Variants in PRKAR2B observed in about 807,000 individuals in gnomAD.
PRKAR2B encodes cAMP-dependent protein kinase type II-beta regulatory subunit.
A neutral mutation model predicts 49.9 loss-of-function variants in PRKAR2B; 14 were observed. The observed-to-expected ratio is 0.28, with a 90% confidence interval of 0.19 to 0.44. The LOEUF is 0.44. Among genes scored for constraint, PRKAR2B ranks in the 20% least tolerant of loss-of-function variants. The pLI, the probability that PRKAR2B is intolerant of heterozygous loss-of-function variation, is 1.00. For missense variants in PRKAR2B, 393 were observed against 537.9 expected (o/e 0.73, Z 2.67); for synonymous variants, 196 against 197.7 (o/e 0.99, Z 0.07).
At chr7:107,064,262 G>A (rs1237581226) in intron 1 of PRKAR2B, among the ~76,000 whole-genome samples, 2 of 152,080 alleles carry the variant, frequency 1.3e-5, no homozygotes, top group African/African-American at 2.4e-5. Flanking sequence ...TCATTCACAA[G>A]CAAAAATATG....
intron 4 of PRKAR2B, among the ~76,000 whole-genome samples, chr7:107,134,492 CTATGT>C (rs1795660768): frequency 6.6e-6 from 1 of 152,100 alleles, no homozygotes; most frequent in Admixed American, 6.6e-5. Context: ...GCTGTTGCCA[CTATGT>C]TATAATTGTA....
Position 107,128,193 on chromosome 7 carries a change from A to T in PRKAR2B, c.397-19A>T. 1 of 1,556,590 alleles carries T rather than the reference A, an allele frequency of 6.4e-7. No individual in the cohort carries two copies. The highest frequency in any genetic ancestry group is 8.8e-7 in the Non-Finnish European group (1 of 1,130,902). On this transcript the variant is annotated intron_variant, in intron 3 of 10. Coordinates refer to ENST00000265717, the MANE Select transcript of PRKAR2B (RefSeq NM_002736.3). ...GTATTGGCTAATGTCTTTGTTTTTT[A>T]AATCTGATGTCCTTTTAGATTATAC...
intron 4 of PRKAR2B, among the ~76,000 whole-genome samples, chr7:107,132,616 T>G (rs1016697114): frequency 2.6e-5 from 4 of 152,064 alleles, no homozygotes; most frequent in Non-Finnish European, 5.9e-5. Context: ...GTGATTGATT[T>G]AGTTGGGGAC....
intron 2 of PRKAR2B, among the ~76,000 whole-genome samples, chr7:107,095,454 A>T (rs1794817788): frequency 6.6e-6 from 1 of 152,194 alleles, no homozygotes; most frequent in Admixed American, 6.5e-5. Context: ...GCAAACAGGG[A>T]CAATTTGACT....
At chr7:107,144,396 A>G (rs61153728) in intron 5 of PRKAR2B, among the ~76,000 whole-genome samples, 3 of 151,924 alleles carry the variant, frequency 2.0e-5, no homozygotes, top group East Asian at 1.9e-4. Context: ...ATGAAAGCCA[A>G]TTATTTTCTT....
chr7:107,130,555 T>G (rs990163529), intron 4 of PRKAR2B, among the ~76,000 whole-genome samples: 8 of 152,122 alleles, frequency 5.3e-5, no homozygotes, highest in African/African-American at 1.9e-4. Flanking sequence ...GCCAAACCCT[T>G]GAACATAGTT....
At chr7:107,145,600 A>C (rs1384632147) in intron 5 of PRKAR2B, among the ~76,000 whole-genome samples, 1 of 151,980 alleles carries the variant, frequency 6.6e-6, no homozygotes, top group Non-Finnish European at 1.5e-5. Context: ...TTAATTTTTT[A>C]TAGAGATGGG....
chr7:107,153,758 G>A (rs1796029965), intron 8 of PRKAR2B, among the ~76,000 whole-genome samples: 1 of 152,200 alleles, frequency 6.6e-6, no homozygotes, highest in Admixed American at 6.5e-5. Context: ...AATAATATTA[G>A]ATACCTGGGT....
chr7:107,120,958 A>G (rs1311604515), intron 2 of PRKAR2B, among the ~76,000 whole-genome samples: 1 of 151,270 alleles, frequency 6.6e-6, no homozygotes, highest in Non-Finnish European at 1.5e-5. Flanking sequence ...ATGGCTTAAA[A>G]TCTTTGTCAA....
chr7:107,134,394 A>T (rs2115620530), intron 4 of PRKAR2B, among the ~76,000 whole-genome samples: 1 of 152,340 alleles, frequency 6.6e-6, no homozygotes, highest in Non-Finnish European at 1.5e-5. Flanking sequence ...CTTTTTAAAA[A>T]ATATTTTCAT....
chr7:107,159,305 A>T, intron 10 of PRKAR2B, 144 bp from the exon 11 acceptor site: 2 of 901,868 alleles, frequency 2.2e-6, no homozygotes, highest in South Asian at 3.7e-5. Context: ...CATTTTTATC[A>T]TTATGCTTTT....
intron 10 of PRKAR2B, among the ~76,000 whole-genome samples, chr7:107,158,158 A>G (rs927908119): frequency 6.6e-6 from 1 of 152,116 alleles, no homozygotes; most frequent in African/African-American, 2.4e-5. Flanking sequence ...AAGTAGGGCT[A>G]TTAGAAAGAG....
chr7:107,077,770 T>G (rs998362303), intron 2 of PRKAR2B: 1 of 152,228 alleles, frequency 6.6e-6, no homozygotes, highest in African/African-American at 2.4e-5. Flanking sequence ...TACTCACCTA[T>G]CTACGTATTA....
intron 8 of PRKAR2B, among the ~76,000 whole-genome samples, chr7:107,153,691 A>C (rs1306262695): frequency 6.6e-6 from 1 of 152,322 alleles, no homozygotes; most frequent in African/African-American, 2.4e-5. Flanking sequence ...CCAAGACTAC[A>C]TGTGGGTCAA....
At chr7:107,113,642 C>T (rs780580187) in intron 2 of PRKAR2B, among the ~76,000 whole-genome samples, 2 of 152,116 alleles carry the variant, frequency 1.3e-5, no homozygotes, top group Non-Finnish European at 2.9e-5. Context: ...ATATTATCCT[C>T]CGAATTATTC....
intron 2 of PRKAR2B, among the ~76,000 whole-genome samples, chr7:107,102,941 G>A (rs1795001865): frequency 6.6e-6 from 1 of 152,154 alleles, no homozygotes; most frequent in African/African-American, 2.4e-5. Flanking sequence ...AAAGTGTTGG[G>A]ATTACAGGTG....
chr7:107,044,948 A>T lies in PRKAR2B; in HGVS notation c.41A>T (p.Gln14Leu), dbSNP rs1793659871. Residue 14 changes from glutamine to leucine, a missense_variant, in exon 1 of 11, where the codon CAG becomes CTG. By Grantham distance (113) the Gln-to-Leu change is moderately radical. Around this residue, in one of 2 missense-constraint regions of PRKAR2B, gnomAD observed 160 missense variants for 147.6 expected, o/e 1.08. Transcript: ENST00000265717. The stretch of plus-strand genomic sequence containing the variant: ...CCGGCGGGACTGACGGAGCTGCTGC[A>T]GGGCTTCACGGTGGAGGTGCTGAGG... The part of the protein sequence containing the change: ...EIPAGLTELL[Q>L]GFTVEVLRHQ... The T allele has an allele frequency of 6.3e-7, 1 of 1,598,212 alleles. No individual in the cohort carries two copies. Among genetic ancestry groups the T allele is most frequent in the Non-Finnish European group, 8.5e-7 (1 of 1,174,734 alleles).
At chr7:107,078,212 A>AAAAAG (rs1554364707) in intron 2 of PRKAR2B, 9 of 152,390 alleles carry the variant, frequency 5.9e-5, no homozygotes, top group Non-Finnish European at 1.3e-4. Context: ...AAAAAAAAAA[A>AAAAAG]AAAAAGAAAA....
At chr7:107,151,161 T>G (rs1795979251) in intron 7 of PRKAR2B, 138 bp downstream of exon 7, 1 of 516,814 alleles carries the variant, frequency 1.9e-6, no homozygotes, top group Admixed American at 4.2e-5. Flanking sequence ...TAAATGGTAG[T>G]GCTAATTTTT....
Sources: gnomAD v4.1 joint callset for allele counts (sites outside exome capture counted in the v4.1 genomes callset) on GRCh38, gnomAD v4.1.1 for gene constraint, gnomAD v4.1.1 regional missense constraint, MANE v1.5 for transcripts, NCBI Gene and HGNC (gene_info 2026-07-23, HGNC 2026-07-21) for gene names.